The following NRXN1 variants were observed in gnomAD, a reference collection of about 807,000 sequenced individuals.
NRXN1 encodes neurexin-1.
NRXN1 carries 39 observed loss-of-function variants against 150.9 expected under a neutral mutation model. The ratio of observed to expected loss-of-function variants is 0.26; its 90% CI spans 0.20 to 0.34. The LOEUF is 0.34. NRXN1 is among the 10% of genes least tolerant of loss of function. The pLI is 1.00. For missense variants in NRXN1, 1,815 were observed against 1,949.9 expected (o/e 0.93, Z 1.30); for synonymous variants, 924 against 757.0 (o/e 1.22, Z -3.62).
intron 5 of NRXN1, among the ~76,000 whole-genome samples, chr2:50,678,586 T>C (rs1005954759): frequency 1.3e-5 from 2 of 152,164 alleles, no homozygotes; most frequent in African/African-American, 2.4e-5. Context: ...CTCGGCACCG[T>C]TGACATTTGG....
At chr2:49,980,305 G>A (rs1434343523) in intron 21 of NRXN1, among the ~76,000 whole-genome samples, 3 of 152,128 alleles carry the variant, frequency 2.0e-5, no homozygotes, top group African/African-American at 7.2e-5. Flanking sequence ...GATTCCAAGA[G>A]TCTGCATTGT....
At chr2:50,843,572 C>A (rs958836538) in intron 5 of NRXN1, among the ~76,000 whole-genome samples, 1 of 152,162 alleles carries the variant, frequency 6.6e-6, no homozygotes. Flanking sequence ...CACTTCATTT[C>A]ATTTCATTTC....
At chr2:50,683,198 T>A (rs1222644516) in intron 5 of NRXN1, among the ~76,000 whole-genome samples, 1 of 152,074 alleles carries the variant, frequency 6.6e-6, no homozygotes, top group Non-Finnish European at 1.5e-5. Flanking sequence ...TGACGGTATT[T>A]TAATTTTCTG....
intron 19 of NRXN1, among the ~76,000 whole-genome samples, chr2:50,056,939 G>A (rs1015046536): frequency 1.3e-5 from 2 of 152,056 alleles, no homozygotes; most frequent in Admixed American, 1.3e-4. Context: ...TCATGCTAGA[G>A]TCTTCCAATC....
chr2:50,103,056 G>A (rs1383206435), intron 18 of NRXN1, among the ~76,000 whole-genome samples: 2 of 152,028 alleles, frequency 1.3e-5, no homozygotes, highest in Non-Finnish European at 2.9e-5. Flanking sequence ...GAACCTAACA[G>A]TATGCAACCT....
intron 18 of NRXN1, among the ~76,000 whole-genome samples, chr2:50,153,029 T>G (rs1451956015): frequency 6.6e-6 from 1 of 151,716 alleles, no homozygotes; most frequent in African/African-American, 2.4e-5. Context: ...TTTTACTTTC[T>G]GTTCCTCAGA....
At chr2:50,609,499 G>T (rs1677677325) in intron 8 of NRXN1, among the ~76,000 whole-genome samples, 1 of 151,926 alleles carries the variant, frequency 6.6e-6, no homozygotes, top group Admixed American at 6.6e-5. Context: ...CAATATACCA[G>T]GCACTACTCT....
intron 18 of NRXN1, among the ~76,000 whole-genome samples, chr2:50,129,354 G>C (rs1705121775): frequency 6.6e-6 from 1 of 152,166 alleles, no homozygotes; most frequent in African/African-American, 2.4e-5. Context: ...ACATAATTTA[G>C]TGAAGCAAGA....
chr2:50,422,427 T>G (rs906269656), intron 17 of NRXN1, among the ~76,000 whole-genome samples: 1 of 152,176 alleles, frequency 6.6e-6, no homozygotes, highest in African/African-American at 2.4e-5. Flanking sequence ...TAAAATTGTT[T>G]GCATTAGAAC....
At chr2:50,747,691 T>C (rs1481785263) in intron 5 of NRXN1, among the ~76,000 whole-genome samples, 1 of 152,124 alleles carries the variant, frequency 6.6e-6, no homozygotes, top group African/African-American at 2.4e-5. Context: ...AATTCATTAA[T>C]CAAGAACAGG....
intron 5 of NRXN1, among the ~76,000 whole-genome samples, chr2:50,680,797 G>A (rs1007142919): frequency 6.6e-6 from 1 of 151,368 alleles, no homozygotes; most frequent in Non-Finnish European, 1.5e-5. Flanking sequence ...TGGAAAAAAA[G>A]GATAATCTGT....
intron 17 of NRXN1, among the ~76,000 whole-genome samples, chr2:50,240,941 T>C (rs931471276): frequency 1.3e-5 from 2 of 151,758 alleles, no homozygotes; most frequent in Admixed American, 1.3e-4. Flanking sequence ...TATTTTAATA[T>C]GAAAGCCTTC....
intron 17 of NRXN1, among the ~76,000 whole-genome samples, chr2:50,398,809 C>T (rs926477121): frequency 2.6e-5 from 4 of 152,142 alleles, no homozygotes; most frequent in African/African-American, 9.7e-5. Flanking sequence ...TCCACTATAT[C>T]TAGCTTGGTA....
chr2:50,231,360 T>C (rs1574629291), intron 18 of NRXN1, among the ~76,000 whole-genome samples: 1 of 152,180 alleles, frequency 6.6e-6, no homozygotes, highest in East Asian at 1.9e-4. Flanking sequence ...TAATGTATAA[T>C]GGAGAGAAGC....
At chr2:50,092,853 T>C (rs1397357494) in intron 18 of NRXN1, among the ~76,000 whole-genome samples, 1 of 152,174 alleles carries the variant, frequency 6.6e-6, no homozygotes, top group Non-Finnish European at 1.5e-5. Context: ...TAAGTTAGCA[T>C]GCTTACAATT....
intron 5 of NRXN1, among the ~76,000 whole-genome samples, chr2:50,736,590 G>A (rs1327541799): frequency 6.6e-6 from 1 of 152,126 alleles, no homozygotes; most frequent in Non-Finnish European, 1.5e-5. Context: ...GGTTCTTGTG[G>A]TAGTGAATAA....
rs185897743 is a variant in NRXN1, at chr2:50,386,905, A to C, written c.3364+78537T>G. On this transcript the variant is annotated intron_variant, in intron 17 of 22. Transcript: ENST00000401669. The stretch of plus-strand genomic sequence containing the variant: ...AACTGGATGGTTTATAAACACAATT[A>C]TACCTATGCCTTATACAATACTCCA... Among the ~76,000 whole-genome samples the C allele has an allele frequency of 2.6e-5, 4 of 152,300 alleles. No individual in the cohort carries two copies. The East Asian group carries it at 7.7e-4, about 29-fold the overall frequency.
chr2:50,661,430 A>G (rs908750192), intron 5 of NRXN1, among the ~76,000 whole-genome samples: 10 of 152,070 alleles, frequency 6.6e-5, no homozygotes, highest in Non-Finnish European at 1.5e-4. Flanking sequence ...TTACTTTTTC[A>G]GAAGCCAGTT....
intron 17 of NRXN1, among the ~76,000 whole-genome samples, chr2:50,379,090 T>A (rs1285279781): frequency 1.3e-5 from 2 of 151,918 alleles, no homozygotes; most frequent in Admixed American, 1.3e-4. Context: ...TGCTACAATA[T>A]GTTTGAACAG....
Sources: gnomAD v4.1 joint callset for allele counts (sites outside exome capture counted in the v4.1 genomes callset) on GRCh38, gnomAD v4.1.1 for gene constraint, MANE v1.5 for transcripts, NCBI Gene and HGNC (gene_info 2026-07-23, HGNC 2026-07-21) for gene names.